PDE7B: variants seen among roughly 807,000 people sequenced by gnomAD.
PDE7B encodes 3',5'-cyclic-AMP phosphodiesterase 7B.
Under a neutral mutation model 56.2 loss-of-function variants are expected in PDE7B, and 29 were observed. The observed-to-expected ratio is 0.52, with a 90% confidence interval of 0.38 to 0.70. PDE7B has a LOEUF of 0.70. PDE7B is among the 30% of genes least tolerant of loss of function. The probability of loss-of-function intolerance (pLI) is 0.00; values close to 1 mark genes in which losing one functional copy is unlikely to be tolerated. For missense variants in PDE7B, 490 were observed against 565.0 expected (o/e 0.87, Z 1.35); for synonymous variants, 197 against 196.9 (o/e 1.00, Z 0.00).
chr6:135,870,659 G>C (rs1252129134), intron 1 of PDE7B, among the ~76,000 whole-genome samples: 1 of 151,920 alleles, frequency 6.6e-6, no homozygotes, highest in Non-Finnish European at 1.5e-5. Flanking sequence ...TTGGAGGAGG[G>C]GAGATGCAGG....
intron 2 of PDE7B, among the ~76,000 whole-genome samples, chr6:135,999,352 T>A (rs6902695): frequency 0.48 from 72,704 of 151,884 alleles, 18,200 homozygotes; most frequent in African/African-American, 0.62. Context: ...TGTACAGATT[T>A]TTTTGTCACT....
At chr6:136,022,094 C>A (rs1776083148) in intron 2 of PDE7B, among the ~76,000 whole-genome samples, 1 of 152,220 alleles carries the variant, frequency 6.6e-6, no homozygotes, top group Non-Finnish European at 1.5e-5. Context: ...CTCAAGTCCT[C>A]TTCCGCCAAA....
At chr6:135,926,577 T>C (rs947831225) in intron 1 of PDE7B, among the ~76,000 whole-genome samples, 1 of 152,018 alleles carries the variant, frequency 6.6e-6, no homozygotes, top group Non-Finnish European at 1.5e-5. Flanking sequence ...GGGAGAGCAC[T>C]TTTCAAAGAG....
chr6:136,173,645 T>G, intron 8 of PDE7B, 152 bp from the exon 9 acceptor site: 2 of 606,580 alleles, frequency 3.3e-6, no homozygotes. Flanking sequence ...TCATGGTTGT[T>G]TTATCTTTTG....
intron 2 of PDE7B, among the ~76,000 whole-genome samples, chr6:136,004,512 A>G (rs1330170465): frequency 2.0e-5 from 3 of 152,186 alleles, no homozygotes. Flanking sequence ...AAGTCTCAGG[A>G]TACAAAATCA....
At chr6:136,100,773 T>G (rs953762769) in intron 2 of PDE7B, among the ~76,000 whole-genome samples, 7 of 152,340 alleles carry the variant, frequency 4.6e-5, no homozygotes, top group East Asian at 1.9e-4. Context: ...TTCTCTTGCC[T>G]GATTGCCCTG....
At chr6:136,047,505 G>T (rs1484773517) in intron 2 of PDE7B, 1 of 152,158 alleles carries the variant, frequency 6.6e-6, no homozygotes, top group African/African-American at 2.4e-5. Flanking sequence ...AGTGGGGAGG[G>T]AATGTAAATA....
intron 1 of PDE7B, among the ~76,000 whole-genome samples, chr6:135,929,365 A>G (rs568150349): frequency 4.9e-4 from 74 of 152,328 alleles, no homozygotes; most frequent in Admixed American, 2.4e-3. Context: ...ATCTATAACT[A>G]TGCTGTCTAA....
intron 3 of PDE7B, among the ~76,000 whole-genome samples, chr6:136,118,286 T>C (rs1242392135): frequency 6.6e-6 from 1 of 152,158 alleles, no homozygotes; most frequent in Non-Finnish European, 1.5e-5. Flanking sequence ...GCACTCCCAC[T>C]ACATCTCCCA....
At chr6:135,918,094 C>G (rs544139086) in intron 1 of PDE7B, among the ~76,000 whole-genome samples, 1 of 152,160 alleles carries the variant, frequency 6.6e-6, no homozygotes, top group Non-Finnish European at 1.5e-5. Flanking sequence ...TCTTTCTTCT[C>G]TATGCAGTTT....
At chr6:136,144,290 TTCTC>T (rs778485004) in intron 3 of PDE7B, among the ~76,000 whole-genome samples, 58 of 152,230 alleles carry the variant, frequency 3.8e-4, no homozygotes, top group Admixed American at 5.9e-4. Context: ...CATATACTCT[TTCTC>T]TATATGCACC....
intron 1 of PDE7B, among the ~76,000 whole-genome samples, chr6:135,906,827 T>TTTTGTTTTTTTTTTTTTG (rs1583758410): frequency 4.5e-5 from 6 of 133,544 alleles, no homozygotes; most frequent in African/African-American, 1.7e-4. Context: ...TTTTTTTTTT[T>TTTTGTTTTTTTTTTTTTG]TTTTTTTTTA....
chr6:136,054,197 T>G (rs1479444492), intron 2 of PDE7B, among the ~76,000 whole-genome samples: 2 of 152,162 alleles, frequency 1.3e-5, no homozygotes, highest in African/African-American at 4.8e-5. Flanking sequence ...GGTCTAACAT[T>G]TAAGTCTTTA....
intron 2 of PDE7B, among the ~76,000 whole-genome samples, chr6:135,978,090 A>G (rs1775224526): frequency 6.6e-6 from 1 of 152,118 alleles, no homozygotes. Flanking sequence ...ATTTCATCAT[A>G]GTGTAAACAT....
At chr6:135,917,614 T>A (rs1469018588) in intron 1 of PDE7B, among the ~76,000 whole-genome samples, 1 of 152,020 alleles carries the variant, frequency 6.6e-6, no homozygotes, top group African/African-American at 2.4e-5. Flanking sequence ...GTTTTTTTTT[T>A]ATTGTTGTTG....
chr6:136,034,038 A>G (rs1471137217), intron 2 of PDE7B: 1 of 152,186 alleles, frequency 6.6e-6, no homozygotes, highest in Non-Finnish European at 1.5e-5. Context: ...CAATTCCAAA[A>G]TATCTGAGTG....
chr6:136,010,406 T>G (rs1480736164), intron 2 of PDE7B, among the ~76,000 whole-genome samples: 10 of 151,186 alleles, frequency 6.6e-5, no homozygotes, highest in African/African-American at 2.4e-4. Context: ...TTTTTTTTTT[T>G]TTTGGTTTTG....
chr6:135,952,904 G>A lies in PDE7B; in HGVS notation c.82+5380G>A, dbSNP rs138021086. On this transcript the variant is annotated intron_variant, in intron 2 of 12. Coordinates refer to ENST00000308191, the MANE Select transcript of PDE7B (RefSeq NM_018945.4). ...TTTTATTTAGTTAGAGAGTCTTTTCGATTTAGTTATAGCATATCAGAGAAT... is the reference window on the plus strand; with the variant it reads ...TTTTATTTAGTTAGAGAGTCTTTTCAATTTAGTTATAGCATATCAGAGAAT... Among the ~76,000 whole-genome samples, 240 of 152,228 alleles carry A rather than the reference G, an allele frequency of 1.6e-3. 1 individual carries two copies. In the East Asian group the frequency reaches 0.028, roughly 18 times the overall value.
At chr6:136,005,260 A>C (rs569391883) in intron 2 of PDE7B, among the ~76,000 whole-genome samples, 2 of 152,348 alleles carry the variant, frequency 1.3e-5, no homozygotes, top group African/African-American at 4.8e-5. Context: ...CGTAGAAGAA[A>C]ACCTAGGCAT....
Sources: gnomAD v4.1 joint callset for allele counts (sites outside exome capture counted in the v4.1 genomes callset) on GRCh38, gnomAD v4.1.1 for gene constraint, MANE v1.5 for transcripts, NCBI Gene and HGNC (gene_info 2026-07-23, HGNC 2026-07-21) for gene names.